Variants in BFSP1 observed in about 807,000 individuals in gnomAD.
BFSP1 encodes filensin.
Under a neutral mutation model 43.9 loss-of-function variants are expected in BFSP1, and 38 were observed. The ratio of observed to expected loss-of-function variants is 0.87; its 90% CI spans 0.67 to 1.14. The LOEUF (loss-of-function observed/expected upper bound fraction) is 1.14. Ranked by LOEUF, BFSP1 falls within the 50% of genes most tolerant of loss-of-function variation. The probability of loss-of-function intolerance (pLI) is 0.00; values close to 1 mark genes in which losing one functional copy is unlikely to be tolerated. For missense variants in BFSP1, 850 were observed against 875.1 expected (o/e 0.97, Z 0.36); for synonymous variants, 352 against 354.8 (o/e 0.99, Z 0.09).
upstream of BFSP1, among the ~76,000 whole-genome samples, chr20:17,561,027 T>C (rs534864768): frequency 6.6e-6 from 1 of 152,360 alleles, no homozygotes; most frequent in African/African-American, 2.4e-5. Context: ...TCTTCATTCC[T>C]ATCCTTCATG....
intron 2 of BFSP1, among the ~76,000 whole-genome samples, chr20:17,522,105 G>A (rs2034330492): frequency 6.6e-6 from 1 of 152,178 alleles, no homozygotes; most frequent in African/African-American, 2.4e-5. Context: ...CAACATCAAG[G>A]TCCATGGGGC....
chr20:17,521,745 A>T (rs896960166), intron 2 of BFSP1, among the ~76,000 whole-genome samples: 5 of 152,210 alleles, frequency 3.3e-5, no homozygotes, highest in Non-Finnish European at 7.4e-5. Flanking sequence ...CTGGGAGGTG[A>T]TCCCAGGAAG....
chr20:17,542,380 A>G (rs189880936), intron 1 of BFSP1, among the ~76,000 whole-genome samples: 29 of 150,918 alleles, frequency 1.9e-4, no homozygotes, highest in African/African-American at 7.1e-4. Context: ...GCTTGAGCCC[A>G]GGAATTCAAG....
intron 1 of BFSP1, among the ~76,000 whole-genome samples, chr20:17,528,125 G>A (rs2034460365): frequency 6.6e-6 from 1 of 152,196 alleles, no homozygotes; most frequent in Non-Finnish European, 1.5e-5. Context: ...CTCCAGCCTG[G>A]CATGTATGTG....
chr20:17,519,254 G>C (rs1216515302), intron 2 of BFSP1, among the ~76,000 whole-genome samples: 1 of 152,140 alleles, frequency 6.6e-6, no homozygotes, highest in Non-Finnish European at 1.5e-5. Context: ...GGAACCCTGG[G>C]GTCACTGGTC....
At chr20:17,567,217 T>C (rs774694339) in intron 1 of BFSP1, among the ~76,000 whole-genome samples, 8 of 152,194 alleles carry the variant, frequency 5.3e-5, no homozygotes, top group Non-Finnish European at 1.0e-4. Context: ...TGGGGGCTCA[T>C]CTTAAGTTAT....
chr20:17,531,059 G>C lies in BFSP1; in HGVS notation c.271C>G (p.Gln91Glu). 1 of 1,401,300 alleles carries C rather than the reference G, an allele frequency of 7.1e-7. No homozygotes were observed. Among genetic ancestry groups the C allele is most frequent in the Non-Finnish European group, 9.3e-7 (1 of 1,079,590 alleles). 86.8% of individuals were successfully genotyped at this position (1,401,300 alleles called of 1,614,324 possible). Residue 91 changes from glutamine to glutamate, a missense_variant, in exon 1 of 8, where the codon CAA (glutamine) becomes GAA (glutamate). By Grantham distance (29) the Gln-to-Glu change is conservative. Coordinates refer to ENST00000377873, the MANE Select transcript of BFSP1 (RefSeq NM_001195.5). ...LAGPEDALAR[Q>E]VESNRQRVRD... ...ACGCGCTGGCGGTTGCTCTCGACTT[G>C]GCGGGCGAGGGCGTCCTCGGGCCCG...
intron 1 of BFSP1, among the ~76,000 whole-genome samples, chr20:17,556,805 A>C (rs1397606562): frequency 1.3e-5 from 2 of 152,176 alleles, no homozygotes; most frequent in Admixed American, 1.3e-4. Context: ...ATGTGGCAGG[A>C]AAATTAATAG....
At chr20:17,558,945 T>C (rs1469994067) in exon 1 of BFSP1, 4 of 391,380 alleles carry the variant, frequency 1.0e-5, no homozygotes, top group Non-Finnish European at 1.3e-5. Flanking sequence ...TCCTTCCACT[T>C]CCAGCATGGA....
At chr20:17,554,264 T>C (rs1411236830) in intron 1 of BFSP1, among the ~76,000 whole-genome samples, 1 of 152,170 alleles carries the variant, frequency 6.6e-6, no homozygotes, top group Non-Finnish European at 1.5e-5. Flanking sequence ...TTATATAACT[T>C]GTTCAGAGAA....
At chr20:17,538,420 A>G (rs1173279077) in intron 1 of BFSP1, among the ~76,000 whole-genome samples, 3 of 152,218 alleles carry the variant, frequency 2.0e-5, no homozygotes, top group Non-Finnish European at 4.4e-5. Flanking sequence ...AAATTGTAAC[A>G]AAAGAAAAAG....
chr20:17,503,174 C>T (rs2033843975), intron 5 of BFSP1, among the ~76,000 whole-genome samples: 1 of 151,956 alleles, frequency 6.6e-6, no homozygotes, highest in East Asian at 1.9e-4. Context: ...CAGGTGAATG[C>T]CACCATGCCC....
chr20:17,513,160 A>G lies in BFSP1; in HGVS notation c.535-1092T>C, dbSNP rs554142467. 1.4e-3 allele frequency among the ~76,000 whole-genome samples: 207 copies of G among 152,268 alleles called. 1 individual carries two copies. The highest frequency in any genetic ancestry group is 4.7e-3 in the African/African-American group (196 of 41,546). ...TTCACACTCCAGAGCTTCCTGTGGGATCATGAGAAGGCCACAGCTGGACTC... is the reference window on the plus strand; with the variant it reads ...TTCACACTCCAGAGCTTCCTGTGGGGTCATGAGAAGGCCACAGCTGGACTC... On this transcript the variant is annotated intron_variant, in intron 3 of 7. Transcript: ENST00000377873.
chr20:17,518,070 G>A (rs1027921793), intron 2 of BFSP1, among the ~76,000 whole-genome samples: 3 of 152,080 alleles, frequency 2.0e-5, no homozygotes, highest in Admixed American at 6.6e-5. Flanking sequence ...CCCTGGCACC[G>A]GGCTCCTGCT....
At chr20:17,539,109 T>C (rs1453524180) in intron 1 of BFSP1, among the ~76,000 whole-genome samples, 12 of 135,596 alleles carry the variant, frequency 8.8e-5, no homozygotes, top group African/African-American at 3.1e-4. Context: ...CTTCTTCTTT[T>C]TTTTTTTTTT....
upstream of BFSP1, among the ~76,000 whole-genome samples, chr20:17,533,639 A>G (rs2034583827): frequency 6.6e-6 from 1 of 152,154 alleles, no homozygotes; most frequent in Non-Finnish European, 1.5e-5. Flanking sequence ...CATGGCCACA[A>G]ATAAAGTCAA....
At chr20:17,504,760 G>A (rs1042482029) in intron 5 of BFSP1, among the ~76,000 whole-genome samples, 1 of 152,178 alleles carries the variant, frequency 6.6e-6, no homozygotes, top group African/African-American at 2.4e-5. Context: ...TGCCTGGACC[G>A]TTAGATTGCC....
At chr20:17,529,325 C>T (rs1460003261) in intron 1 of BFSP1, among the ~76,000 whole-genome samples, 1 of 152,244 alleles carries the variant, frequency 6.6e-6, no homozygotes, top group Non-Finnish European at 1.5e-5. Context: ...TTCTGCCTGC[C>T]TTGGCCTCCC....
chr20:17,562,702 T>A (rs1166906081), upstream of BFSP1, among the ~76,000 whole-genome samples: 2 of 152,160 alleles, frequency 1.3e-5, no homozygotes, highest in African/African-American at 2.4e-5. Context: ...CCTTTAATGT[T>A]ATAAAATAGT....
Sources: gnomAD v4.1 joint callset for allele counts (sites outside exome capture counted in the v4.1 genomes callset) on GRCh38, gnomAD v4.1.1 for gene constraint, MANE v1.5 for transcripts, NCBI Gene and HGNC (gene_info 2026-07-23, HGNC 2026-07-21) for gene names.